The following PLCL2 variants were observed in gnomAD, a reference collection of about 807,000 sequenced individuals.
PLCL2 encodes phospholipase C like 2.
Under a neutral mutation model 79.6 loss-of-function variants are expected in PLCL2, and 4 were observed. The observed-to-expected ratio is 0.05, with a 90% CI of 0.02 to 0.11. The LOEUF is 0.11. Among genes scored for constraint, PLCL2 ranks in the 10% least tolerant of loss-of-function variants. The pLI, the probability that PLCL2 is intolerant of heterozygous loss-of-function variation, is 1.00. For missense variants in PLCL2, 895 were observed against 1,291.0 expected, an observed-to-expected ratio of 0.69 and a Z score of 4.70; for synonymous variants, 484 against 457.7, an observed-to-expected ratio of 1.06 and a Z score of -0.73.
chr3:17,032,421 C>T (rs1270759355), intron 3 of PLCL2, among the ~76,000 whole-genome samples: 1 of 152,134 alleles, frequency 6.6e-6, no homozygotes, highest in African/African-American at 2.4e-5. Flanking sequence ...CATAAACCAC[C>T]CTAGTGCATT....
At chr3:17,088,048 T>C (rs1029714474) in intron 5 of PLCL2, among the ~76,000 whole-genome samples, 2 of 152,214 alleles carry the variant, frequency 1.3e-5, no homozygotes, top group Non-Finnish European at 2.9e-5. Context: ...GCTCCTTTAG[T>C]TAATCTACGC....
intron 1 of PLCL2, among the ~76,000 whole-genome samples, chr3:16,915,455 A>G (rs1365232145): frequency 2.0e-5 from 3 of 152,106 alleles, no homozygotes; most frequent in Non-Finnish European, 4.4e-5. Context: ...TTTTCAGTGT[A>G]TATTTCCTGT....
chr3:17,002,768 T>C (rs2064223449), intron 1 of PLCL2, among the ~76,000 whole-genome samples: 1 of 152,148 alleles, frequency 6.6e-6, no homozygotes, highest in South Asian at 2.1e-4. Flanking sequence ...CTGTTTTGTT[T>C]TTCTAAAAAA....
At chr3:17,071,629 T>TCTAAGTCA (rs2065061411) in intron 5 of PLCL2, among the ~76,000 whole-genome samples, 1 of 152,318 alleles carries the variant, frequency 6.6e-6, no homozygotes, top group South Asian at 2.1e-4. Flanking sequence ...TTTTAATGAT[T>TCTAAGTCA]CTAAGTCATA....
chr3:16,897,832 C>A, intron 1 of PLCL2, among the ~76,000 whole-genome samples: 1 of 152,214 alleles, frequency 6.6e-6, no homozygotes, highest in East Asian at 1.9e-4. Flanking sequence ...ACTCCTGAGG[C>A]ATCTATAAAA....
intron 5 of PLCL2, among the ~76,000 whole-genome samples, chr3:17,084,536 A>G (rs1306921277): frequency 1.2e-4 from 19 of 152,236 alleles, no homozygotes; most frequent in Admixed American, 1.2e-3. Context: ...TTAACAAAAT[A>G]TTAACAATTA....
intron 1 of PLCL2, among the ~76,000 whole-genome samples, chr3:16,899,526 G>C (rs1363520321): frequency 6.6e-6 from 1 of 152,156 alleles, no homozygotes; most frequent in Non-Finnish European, 1.5e-5. Context: ...CATGAGTTCT[G>C]ATTCGGGTCT....
In PLCL2 at chr3:17,010,864, T is replaced by C. The variant is rs774193152; in HGVS notation, c.1518T>C (p.Tyr506=). Residue 506 remains tyrosine, a synonymous_variant, in exon 2 of 6, where the codon TAT becomes TAC. Coordinates refer to ENST00000615277, the MANE Select transcript of PLCL2 (RefSeq NM_001144382.2). The surrounding 1 kb of genome is among the most constrained non-coding windows in gnomAD (Gnocchi z 5.8). ...FRSVIDIINK[Y]AFFASEYPLI... Reference sequence around the variant, plus strand: ...GTGTCATTGATATTATTAACAAGTATGCATTCTTTGCTTCAGAGTATCCTC... The same window carrying C: ...GTGTCATTGATATTATTAACAAGTACGCATTCTTTGCTTCAGAGTATCCTC... The C allele has an allele frequency of 1.2e-5, 19 of 1,613,880 alleles. No homozygotes were observed. The highest frequency in any genetic ancestry group is 8.5e-7 in the Non-Finnish European group (1 of 1,179,892).
chr3:17,073,313 T>A (rs899876618), intron 5 of PLCL2, among the ~76,000 whole-genome samples: 2 of 152,228 alleles, frequency 1.3e-5, no homozygotes, highest in African/African-American at 4.8e-5. Flanking sequence ...TATAATGTAG[T>A]CTATTAAGTG....
chr3:17,072,345 A>G (rs912603952), intron 5 of PLCL2, among the ~76,000 whole-genome samples: 2 of 152,138 alleles, frequency 1.3e-5, no homozygotes, highest in African/African-American at 4.8e-5. Context: ...TGTTTTAGTT[A>G]TAAGTATTGT....
In PLCL2 at chr3:16,885,275, T is replaced by A. The variant is rs1357811690; in HGVS notation, c.236T>A (p.Val79Asp). The A allele has an allele frequency of 1.4e-5, 9 of 663,456 alleles. No individual in the cohort carries two copies. In the South Asian group the frequency reaches 1.4e-4, roughly 10 times the overall value. The allele number at this position is 663,456 out of a possible 1,614,324, so 41.1% of individuals were successfully genotyped here. The change falls in exon 1 of 6, where the codon GTT becomes GAT. Residue 79 changes from valine to aspartate, a missense_variant. Physicochemically the swap from Val to Asp is radical, Grantham distance 152. Coordinates refer to ENST00000615277, the MANE Select transcript of PLCL2 (RefSeq NM_001144382.2). ...RASPTRGPRG[V>D]ALAPTPSAVV... Reference sequence around the variant, plus strand: ...AGCCCTACCAGGGGACCCCGCGGCGTTGCGCTCGCCCCGACCCCCAGCGCG... The same window carrying A: ...AGCCCTACCAGGGGACCCCGCGGCGATGCGCTCGCCCCGACCCCCAGCGCG...
At chr3:17,070,459 G>A (rs1370166746) in intron 5 of PLCL2, among the ~76,000 whole-genome samples, 2 of 152,200 alleles carry the variant, frequency 1.3e-5, no homozygotes, top group Non-Finnish European at 2.9e-5. Flanking sequence ...TCATATGGAA[G>A]TAAATGTATA....
At chr3:17,058,052 G>C (rs1040152570) in intron 4 of PLCL2, among the ~76,000 whole-genome samples, 2 of 152,146 alleles carry the variant, frequency 1.3e-5, no homozygotes, top group Non-Finnish European at 2.9e-5. Flanking sequence ...GAGTGAGTGC[G>C]CACTGCCGTA....
chr3:16,915,165 A>G (rs1696964110), intron 1 of PLCL2, among the ~76,000 whole-genome samples: 1 of 152,266 alleles, frequency 6.6e-6, no homozygotes, highest in Non-Finnish European at 1.5e-5. Context: ...ATGTGGTAAA[A>G]CAAAATTAAC....
At chr3:16,999,966 A>T (rs1033561784) in intron 1 of PLCL2, among the ~76,000 whole-genome samples, 2 of 152,176 alleles carry the variant, frequency 1.3e-5, no homozygotes, top group Non-Finnish European at 2.9e-5. Context: ...AGGAAGTGAT[A>T]ATCTTCCTCT....
At chr3:16,889,301 C>G (rs1481195938) in intron 1 of PLCL2, among the ~76,000 whole-genome samples, 5 of 152,136 alleles carry the variant, frequency 3.3e-5, no homozygotes, top group Non-Finnish European at 5.9e-5. Flanking sequence ...TCCATTGCTT[C>G]CCCACATTAC....
At chr3:16,953,918 GTTGAT>G (rs1454051882) in intron 1 of PLCL2, among the ~76,000 whole-genome samples, 1 of 152,094 alleles carries the variant, frequency 6.6e-6, no homozygotes, top group Admixed American at 6.6e-5. Context: ...TCAATTTTGA[GTTGAT>G]TTGATGTAAT....
rs778272020 is a variant in PLCL2 at position 17,082,250 on chromosome 3, T to G, written c.3205-7483T>G. Among the ~76,000 whole-genome samples the G allele has an allele frequency of 1.2e-4, 18 of 149,726 alleles. No individual in the cohort carries two copies. In the Admixed American group the frequency reaches 1.2e-3, roughly 10 times the overall value. On this transcript the variant is annotated intron_variant, in intron 5 of 5. Transcript: ENST00000615277. Reference sequence around the variant, plus strand: ...CCTTTGCCTCCTGGGTTCAAGCAATTCTTGTGCCTCAGCCTCCCAAGTAGC... The same window carrying G: ...CCTTTGCCTCCTGGGTTCAAGCAATGCTTGTGCCTCAGCCTCCCAAGTAGC...
chr3:16,985,228 C>T (rs1425470367), intron 1 of PLCL2, among the ~76,000 whole-genome samples: 1 of 152,066 alleles, frequency 6.6e-6, no homozygotes, highest in Non-Finnish European at 1.5e-5. Context: ...CTCCGGGTGC[C>T]TATAGCTCCC....
Sources: allele counts gnomAD v4.1 joint callset (sites outside exome capture counted in the v4.1 genomes callset), GRCh38; gene constraint gnomAD v4.1.1; non-coding constraint Gnocchi (gnomAD v3.1); transcripts MANE v1.5; gene names NCBI Gene and HGNC (gene_info 2026-07-23, HGNC 2026-07-21).